The following SNX8 variants were observed in gnomAD, a reference collection of about 807,000 sequenced individuals.
The protein encoded by SNX8 is sorting nexin 8.
Under a neutral mutation model 51.6 loss-of-function variants are expected in SNX8, and 25 were observed. That is an observed-to-expected ratio of 0.48 (90% confidence interval 0.35 to 0.68). SNX8 has a LOEUF of 0.68. SNX8 is among the 30% of genes least tolerant of loss of function. The probability of loss-of-function intolerance (pLI) is 0.00; values close to 1 mark genes in which losing one functional copy is unlikely to be tolerated. For missense variants in SNX8, 695 were observed against 624.0 expected (o/e 1.11, Z -1.21); for synonymous variants, 324 against 277.0 (o/e 1.17, Z -1.68).
intron 1 of SNX8, among the ~76,000 whole-genome samples, chr7:2,278,645 C>T (rs6964897): frequency 0.35 from 48,418 of 137,646 alleles, 8,224 homozygotes; most frequent in African/African-American, 0.44. Context: ...GAGTCGAAGC[C>T]GGACTCACAC....
At chr7:2,346,201 G>A (rs539578071) in intron 1 of SNX8, among the ~76,000 whole-genome samples, 17 of 152,202 alleles carry the variant, frequency 1.1e-4, no homozygotes, top group African/African-American at 4.1e-4. Flanking sequence ...TTCCTCTGAG[G>A]AACAGAGGAG....
rs1464734604 is a variant in SNX8, at chr7:2,272,024, T to C, written c.419-53A>G. The C allele has an allele frequency of 5.0e-6, 8 of 1,606,720 alleles. No homozygotes were observed. The East Asian group carries it at 1.6e-4, about 31-fold the overall frequency. The stretch of plus-strand genomic sequence containing the variant: ...AGAGTCCAGGGCGCCGGCCCCCATC[T>C]TCTGCTCTGGGCGAGTTCTCAAAAC... On this transcript the variant is annotated intron_variant, in intron 3 of 10. Coordinates refer to ENST00000222990, the MANE Select transcript of SNX8 (RefSeq NM_013321.4).
upstream of SNX8, among the ~76,000 whole-genome samples, chr7:2,314,629 C>T (rs1369667578): frequency 6.6e-6 from 1 of 152,146 alleles, no homozygotes; most frequent in African/African-American, 2.4e-5. Context: ...TGCCCCTCCC[C>T]GTCCACGTGG....
At chr7:2,351,435 C>T (rs982981941) in intron 1 of SNX8, among the ~76,000 whole-genome samples, 1 of 151,786 alleles carries the variant, frequency 6.6e-6, no homozygotes, top group Non-Finnish European at 1.5e-5. Context: ...ATCTGTACTA[C>T]CAGATACTCA....
chr7:2,261,296 G>A (rs1795328587), intron 7 of SNX8, among the ~76,000 whole-genome samples: 3 of 152,200 alleles, frequency 2.0e-5, no homozygotes, highest in Non-Finnish European at 2.9e-5. Context: ...AGCCGGGTGT[G>A]GTGGTGCACA....
chr7:2,319,222 C>T (rs962788014), upstream of SNX8, among the ~76,000 whole-genome samples: 1 of 151,806 alleles, frequency 6.6e-6, no homozygotes, highest in African/African-American at 2.4e-5. Flanking sequence ...GCCTGTAATC[C>T]CAGCTACTGG....
chr7:2,329,517 T>C (rs1466814867), intron 1 of SNX8, among the ~76,000 whole-genome samples: 2 of 152,148 alleles, frequency 1.3e-5, no homozygotes, highest in Non-Finnish European at 2.9e-5. Flanking sequence ...ATGTTGTCTG[T>C]TAGGCCTCGG....
chr7:2,294,731 G>T (rs1796232975), intron 1 of SNX8, among the ~76,000 whole-genome samples: 1 of 152,124 alleles, frequency 6.6e-6, no homozygotes, highest in South Asian at 2.1e-4. Flanking sequence ...TGCACTCCGA[G>T]GTCCCTGCTC....
At chr7:2,275,270 C>T in intron 2 of SNX8, 41 bp from the exon 3 acceptor site, 1 of 1,398,174 alleles carries the variant, frequency 7.2e-7, no homozygotes, top group South Asian at 1.2e-5. Context: ...ACGTTGGAAA[C>T]TATGCTGTCG....
intron 1 of SNX8, among the ~76,000 whole-genome samples, chr7:2,334,601 CTGA>C (rs1402253118): frequency 8.6e-5 from 13 of 150,376 alleles, no homozygotes; most frequent in South Asian, 2.1e-4. Context: ...TACTTGGGGG[CTGA>C]GGTGGGAGGA....
chr7:2,288,772 C>T (rs780778413), intron 1 of SNX8, among the ~76,000 whole-genome samples: 2 of 152,118 alleles, frequency 1.3e-5, no homozygotes, highest in South Asian at 2.1e-4. Context: ...CTCACTCTGT[C>T]GCCCAGGCTG....
chr7:2,350,791 C>G (rs562912608), intron 1 of SNX8, among the ~76,000 whole-genome samples: 1 of 151,884 alleles, frequency 6.6e-6, no homozygotes, highest in Non-Finnish European at 1.5e-5. Context: ...GGATTACAGG[C>G]GCCTGCGGCC....
At chr7:2,329,530 A>C (rs1778691072) in intron 1 of SNX8, among the ~76,000 whole-genome samples, 1 of 152,102 alleles carries the variant, frequency 6.6e-6, no homozygotes, top group African/African-American at 2.4e-5. Flanking sequence ...GGCCTCGGGC[A>C]GCCTCTGACC....
chr7:2,338,109 T>G lies in SNX8; in HGVS notation c.-66+16113A>C, dbSNP rs144713668. On this transcript the variant is annotated intron_variant, in intron 1 of 5. Coordinates refer to the SNX8 transcript ENST00000435336. ...GGGAAGCCAAGGCAGGCAGATTGCCTGAGCTCAGGAGTTTGAGACCAGTCT... is the reference window on the plus strand; with the variant it reads ...GGGAAGCCAAGGCAGGCAGATTGCCGGAGCTCAGGAGTTTGAGACCAGTCT... Among the ~76,000 whole-genome samples the G allele has an allele frequency of 5.3e-3, 804 of 152,144 alleles. 7 individuals carry two copies. Among genetic ancestry groups the G allele is most frequent in the African/African-American group, 0.018 (745 of 41,528 alleles).
chr7:2,302,128 T>C (rs1049449459), intron 1 of SNX8, among the ~76,000 whole-genome samples: 5 of 150,772 alleles, frequency 3.3e-5, no homozygotes, highest in African/African-American at 5.0e-5. Flanking sequence ...CTCCCTCTCT[T>C]TCCACGGTCT....
rs1778926675 is a variant in SNX8, at chr7:2,341,569, G to A, written c.-66+12653C>T. On this transcript the variant is annotated intron_variant, in intron 1 of 5. Transcript: ENST00000435336. ...CACCCACAGTCCTAGCACTTTGGGA[G>A]GCCGAGATGGGAGGATTGCTGGAGC... is the stretch of plus-strand genomic sequence containing the variant. Among the ~76,000 whole-genome samples the A allele has an allele frequency of 2.0e-5, 3 of 152,290 alleles. 1 individual carries two copies. In the South Asian group the frequency reaches 6.2e-4, roughly 32 times the overall value.
chr7:2,334,950 A>G (rs922120931), intron 1 of SNX8, among the ~76,000 whole-genome samples: 65 of 151,572 alleles, frequency 4.3e-4, no homozygotes, highest in African/African-American at 1.5e-3. Context: ...CAGAGGTACA[A>G]TTTGGGAGGC....
intron 1 of SNX8, among the ~76,000 whole-genome samples, chr7:2,300,448 TG>T (rs923760632): frequency 1.4e-4 from 21 of 152,314 alleles, no homozygotes; most frequent in African/African-American, 4.8e-4. Flanking sequence ...CTTGATCTGT[TG>T]TCACCTAGGC....
chr7:2,299,902 G>C (rs1337385704), intron 1 of SNX8, among the ~76,000 whole-genome samples: 2 of 152,124 alleles, frequency 1.3e-5, no homozygotes, highest in African/African-American at 4.8e-5. Flanking sequence ...AATGGGCCAA[G>C]TGAGATACAA....
Sources: allele counts gnomAD v4.1 joint callset (sites outside exome capture counted in the v4.1 genomes callset), GRCh38; gene constraint gnomAD v4.1.1; transcripts MANE v1.5; gene names NCBI Gene and HGNC (gene_info 2026-07-23, HGNC 2026-07-21).